The following DLGAP1 variants were observed in gnomAD, a reference collection of about 807,000 sequenced individuals.
The protein encoded by DLGAP1 is disks large-associated protein 1.
In DLGAP1, 11 loss-of-function variants were observed where a neutral mutation model predicts 90.8. The observed-to-expected ratio is 0.12, with a 90% CI of 0.08 to 0.20. DLGAP1 has a LOEUF of 0.20. Ranked by LOEUF, DLGAP1 falls within the 10% of genes least tolerant of loss-of-function variation. The probability of loss-of-function intolerance (pLI) is 1.00; values close to 1 mark genes in which losing one functional copy is unlikely to be tolerated. For missense variants in DLGAP1, 1,050 were observed against 1,333.8 expected, an observed-to-expected ratio of 0.79 and a Z score of 3.31; for synonymous variants, 558 against 540.7, an observed-to-expected ratio of 1.03 and a Z score of -0.44.
At chr18:4,393,314 C>A (rs554209225) in intron 1 of DLGAP1, among the ~76,000 whole-genome samples, 19 of 152,292 alleles carry the variant, frequency 1.2e-4, no homozygotes, top group African/African-American at 4.1e-4. Context: ...CCATGCCTCT[C>A]TCTCTCACTA....
intron 1 of DLGAP1, among the ~76,000 whole-genome samples, chr18:4,336,661 A>G (rs2081072646): frequency 6.6e-6 from 1 of 152,166 alleles, no homozygotes; most frequent in Non-Finnish European, 1.5e-5. Flanking sequence ...GGCTAATTCA[A>G]AGCCTAACAT....
At chr18:4,366,209 G>A (rs1248491194) in intron 1 of DLGAP1, among the ~76,000 whole-genome samples, 2 of 151,884 alleles carry the variant, frequency 1.3e-5, no homozygotes, top group Non-Finnish European at 2.9e-5. Context: ...AATTCATCTG[G>A]GTCCTAAATA....
intron 3 of DLGAP1, among the ~76,000 whole-genome samples, chr18:3,917,373 G>A (rs2072168344): frequency 1.3e-5 from 2 of 152,176 alleles, no homozygotes; most frequent in African/African-American, 2.4e-5. Context: ...TCGCACCCAT[G>A]GGTTACAAAG....
intron 1 of DLGAP1, among the ~76,000 whole-genome samples, chr18:4,398,986 T>C (rs1359916299): frequency 6.6e-6 from 1 of 152,090 alleles, no homozygotes; most frequent in Non-Finnish European, 1.5e-5. Context: ...CGCGCACCAC[T>C]ACGCCTGGTT....
chr18:4,345,023 G>A (rs1337734837), intron 1 of DLGAP1, among the ~76,000 whole-genome samples: 1 of 152,006 alleles, frequency 6.6e-6, no homozygotes, highest in African/African-American at 2.4e-5. Flanking sequence ...TGAATCTCAG[G>A]GCTTTGAGAT....
At chr18:4,397,322 C>T (rs1467065818) in intron 1 of DLGAP1, among the ~76,000 whole-genome samples, 1 of 152,160 alleles carries the variant, frequency 6.6e-6, no homozygotes, top group Non-Finnish European at 1.5e-5. Context: ...ATTTTGGTTA[C>T]TTGTAACTGA....
intron 1 of DLGAP1, among the ~76,000 whole-genome samples, chr18:4,396,158 T>C (rs1271048745): frequency 1.3e-5 from 2 of 152,202 alleles, no homozygotes; most frequent in Non-Finnish European, 2.9e-5. Flanking sequence ...CAAATACAAA[T>C]TTAACATTCA....
intron 7 of DLGAP1, among the ~76,000 whole-genome samples, chr18:3,642,684 C>T (rs539181243): frequency 9.6e-4 from 146 of 152,284 alleles, no homozygotes; most frequent in Non-Finnish European, 1.7e-3. Context: ...AGATAACATA[C>T]GCCTTGCCTT....
intron 4 of DLGAP1, among the ~76,000 whole-genome samples, chr18:3,844,357 A>AT (rs2068885791): frequency 6.6e-6 from 1 of 152,252 alleles, no homozygotes; most frequent in Non-Finnish European, 1.5e-5. Flanking sequence ...GAAAAATATG[A>AT]TAATTTCTTC....
intron 5 of DLGAP1, among the ~76,000 whole-genome samples, chr18:3,743,728 G>T (rs11661382): frequency 0.46 from 70,124 of 151,808 alleles, 16,890 homozygotes; most frequent in Middle Eastern, 0.6. Context: ...TTGGCTCACT[G>T]CAGCCTCCGC....
intron 7 of DLGAP1, among the ~76,000 whole-genome samples, chr18:3,600,048 C>T (rs60979238): frequency 0.36 from 55,119 of 151,694 alleles, 10,333 homozygotes; most frequent in East Asian, 0.45. Flanking sequence ...GCCTCCGGAA[C>T]AGCTGGAACC....
At chr18:3,545,708 C>T (rs1286692478) in intron 9 of DLGAP1, among the ~76,000 whole-genome samples, 1 of 151,832 alleles carries the variant, frequency 6.6e-6, no homozygotes, top group Admixed American at 6.6e-5. Flanking sequence ...ATTACAAAAA[C>T]TAAACTAAAC....
At chr18:4,361,497 G>A (rs957463333) in intron 1 of DLGAP1, among the ~76,000 whole-genome samples, 1 of 152,140 alleles carries the variant, frequency 6.6e-6, no homozygotes, top group Non-Finnish European at 1.5e-5. Context: ...AGACCATTCA[G>A]TGAAAACTGG....
At position 4,396,610 on chromosome 18, in the gene DLGAP1, T is replaced by C. The variant is rs2082447958; in HGVS notation, c.-267+58396A>G. Among the ~76,000 whole-genome samples the C allele has an allele frequency of 3.9e-5, 6 of 152,174 alleles. 1 individual carries two copies. Among genetic ancestry groups the C allele is most frequent in the Non-Finnish European group, 8.8e-5 (6 of 68,032 alleles). On this transcript the variant is annotated intron_variant, in intron 1 of 12. Coordinates refer to ENST00000315677, the MANE Select transcript of DLGAP1 (RefSeq NM_004746.4). Reference sequence around the variant, plus strand: ...CGCTCTCTGAGAGGAAGCCACATGTTCTTCCCTCTCAAGAGCAATTTGGTT... The same window carrying C: ...CGCTCTCTGAGAGGAAGCCACATGTCCTTCCCTCTCAAGAGCAATTTGGTT...
chr18:4,112,657 T>C (rs1304623911), intron 2 of DLGAP1, among the ~76,000 whole-genome samples: 1 of 152,148 alleles, frequency 6.6e-6, no homozygotes, highest in East Asian at 1.9e-4. Flanking sequence ...ATGTGCAGGT[T>C]TGTTACCTGG....
intron 1 of DLGAP1, among the ~76,000 whole-genome samples, chr18:4,336,899 G>C (rs2081078611): frequency 6.8e-6 from 1 of 146,026 alleles, no homozygotes; most frequent in African/African-American, 2.5e-5. Flanking sequence ...AGGAGATCGA[G>C]ACCATCCTGG....
chr18:4,106,031 CAAAAAAAAAAAAAA>C lies in DLGAP1; in HGVS notation c.-159+45135_-159+45148del, dbSNP rs60176243. 5.9e-3 allele frequency among the ~76,000 whole-genome samples: 606 copies of C among 102,272 alleles called. 1 individual carries two copies. The highest frequency in any genetic ancestry group is 8.2e-3 in the Non-Finnish European group (405 of 49,690). 67.1% of individuals were successfully genotyped at this position (102,272 alleles called of 152,430 possible). ...TGGGCGACAGAGCGAGGGTCCGTCT[CAAAAAAAAAAAAAA>C]AAAAAAAAAAAAAAGTTGCAATTAA... On this transcript the variant is annotated intron_variant, in intron 2 of 12. Coordinates refer to ENST00000315677, the MANE Select transcript of DLGAP1 (RefSeq NM_004746.4).
At chr18:3,741,202 T>TCAC (rs1184385050) in intron 6 of DLGAP1, among the ~76,000 whole-genome samples, 2 of 31,394 alleles carry the variant, frequency 6.4e-5, no homozygotes, top group Non-Finnish European at 1.2e-4. Flanking sequence ...CACCACCAAA[T>TCAC]CACCACCACC....
intron 4 of DLGAP1, among the ~76,000 whole-genome samples, chr18:3,836,074 C>T (rs2148597833): frequency 6.6e-6 from 1 of 152,222 alleles, no homozygotes; most frequent in East Asian, 1.9e-4. Context: ...CCACAGAGTT[C>T]AAGATAAGAA....
Sources: allele counts gnomAD v4.1 joint callset (sites outside exome capture counted in the v4.1 genomes callset), GRCh38; gene constraint gnomAD v4.1.1; transcripts MANE v1.5; gene names NCBI Gene and HGNC (gene_info 2026-07-23, HGNC 2026-07-21).